Variants in PARP8 observed in about 807,000 individuals in gnomAD.
The protein encoded by PARP8 is poly(ADP-ribose) polymerase family member 8.
A neutral mutation model predicts 124.1 loss-of-function variants in PARP8; 51 were observed. That is an observed-to-expected ratio of 0.41 (90% CI 0.33 to 0.52). The LOEUF (loss-of-function observed/expected upper bound fraction) is 0.52, where lower values mean the gene tolerates loss of function less well. PARP8 is among the 20% of genes least tolerant of loss of function. The pLI, the probability that PARP8 is intolerant of heterozygous loss-of-function variation, is 0.21. For synonymous variants in PARP8, 391 were observed against 361.5 expected, an observed-to-expected ratio of 1.08 and a Z score of -0.93; for missense variants, 860 against 1,018.9, an observed-to-expected ratio of 0.84 and a Z score of 2.12.
chr5:50,768,601 A>G (rs1314506215), intron 7 of PARP8, among the ~76,000 whole-genome samples: 3 of 152,202 alleles, frequency 2.0e-5, no homozygotes, highest in Non-Finnish European at 2.9e-5. Context: ...AAATATAGGC[A>G]GCACATGAAA....
At chr5:50,815,347 A>G in intron 14 of PARP8, 85 bp from the exon 15 acceptor site, 1 of 932,824 alleles carries the variant, frequency 1.1e-6, no homozygotes, top group Non-Finnish European at 1.6e-6. Context: ...TGCATTTTCT[A>G]TTTATTATGT....
At chr5:50,678,441 A>T (rs144618724) in intron 2 of PARP8, among the ~76,000 whole-genome samples, 47 of 152,296 alleles carry the variant, frequency 3.1e-4, no homozygotes, top group African/African-American at 1.1e-3. Flanking sequence ...CCAAGATAAC[A>T]TTCTAAAATG....
At chr5:50,821,136 C>A in intron 15 of PARP8, 77 bp from the exon 16 acceptor site, 7 of 1,539,228 alleles carry the variant, frequency 4.5e-6, no homozygotes, top group Non-Finnish European at 6.3e-6. Context: ...ACTTATGCTA[C>A]CTTGAGAGGG....
intron 2 of PARP8, among the ~76,000 whole-genome samples, chr5:50,746,418 C>A (rs1394325944): frequency 6.6e-6 from 1 of 152,108 alleles, no homozygotes; most frequent in African/African-American, 2.4e-5. Context: ...AAACTTTGCA[C>A]TAATGTCAGT....
Position 50,690,063 on chromosome 5 carries a change from C to T in PARP8, c.146+21938C>T, listed in dbSNP as rs77725175. Among the ~76,000 whole-genome samples, 1,139 of 152,282 alleles carry T rather than the reference C, an allele frequency of 7.5e-3. 15 individuals are homozygous for T. The highest frequency in any genetic ancestry group is 0.026 in the African/African-American group (1,069 of 41,546). On this transcript the variant is annotated intron_variant, in intron 2 of 25. Coordinates refer to ENST00000281631, the MANE Select transcript of PARP8 (RefSeq NM_024615.4). ...AGGGGACAAGGGAGACTTTTCTCTC[C>T]TCTGCAACATAGGAAACAAACCAGT...
intron 2 of PARP8, among the ~76,000 whole-genome samples, chr5:50,672,047 T>C (rs1402016285): frequency 1.3e-5 from 2 of 152,178 alleles, no homozygotes; most frequent in African/African-American, 4.8e-5. Flanking sequence ...CCTTCCTCTT[T>C]CTCCTGAGCC....
intron 2 of PARP8, among the ~76,000 whole-genome samples, chr5:50,736,003 A>C (rs925580643): frequency 1.1e-4 from 14 of 132,924 alleles, no homozygotes; most frequent in Non-Finnish European, 1.4e-4. Context: ...TGAAGGATGG[A>C]ATTTATGTTT....
intron 2 of PARP8, among the ~76,000 whole-genome samples, chr5:50,731,176 G>A (rs532164021): frequency 6.6e-6 from 1 of 152,330 alleles, no homozygotes; most frequent in South Asian, 2.1e-4. Flanking sequence ...TAAGGGATGT[G>A]CAACTGGGTG....
intron 7 of PARP8, among the ~76,000 whole-genome samples, chr5:50,775,275 T>C (rs1037778255): frequency 5.3e-5 from 8 of 152,232 alleles, no homozygotes; most frequent in Admixed American, 6.5e-5. Context: ...ACATTGAGCA[T>C]TGAGTGAGTG....
intron 2 of PARP8, among the ~76,000 whole-genome samples, chr5:50,711,765 A>C (rs1221237448): frequency 6.6e-6 from 1 of 152,088 alleles, no homozygotes; most frequent in African/African-American, 2.4e-5. Context: ...GTTTAAAGTC[A>C]ATTCAGTATA....
chr5:50,714,792 A>G (rs1755131940), intron 2 of PARP8, among the ~76,000 whole-genome samples: 1 of 152,088 alleles, frequency 6.6e-6, no homozygotes, highest in Non-Finnish European at 1.5e-5. Flanking sequence ...TCCCTCCTGC[A>G]GCTGACTGTG....
Position 50,798,381 on chromosome 5 carries a change from T to C in PARP8, c.1575+1148T>C, listed in dbSNP as rs551119945. ...CTCTATTTATTATTATTTTTAATAA[T>C]TATAGCCATGCTAGTATGTGTGAAG... On this transcript the variant is annotated intron_variant, in intron 14 of 25. Transcript: ENST00000281631. Among the ~76,000 whole-genome samples, 172 of 151,894 alleles carry C rather than the reference T, an allele frequency of 1.1e-3. 1 individual carries two copies. Among genetic ancestry groups the C allele is most frequent in the African/African-American group, 4.0e-3 (167 of 41,494 alleles).
At chr5:50,807,550 T>G (rs146781761) in intron 14 of PARP8, among the ~76,000 whole-genome samples, 1 of 152,066 alleles carries the variant, frequency 6.6e-6, no homozygotes, top group Non-Finnish European at 1.5e-5. Context: ...CTTCAGGTTG[T>G]TTTTGAAAAA....
chr5:50,747,050 G>C (rs1455036154), intron 2 of PARP8, among the ~76,000 whole-genome samples: 1 of 150,694 alleles, frequency 6.6e-6, no homozygotes, highest in African/African-American at 2.4e-5. Context: ...TTTTTAAATG[G>C]AAAAAATTTG....
chr5:50,780,619 A>G (rs1184743984), intron 9 of PARP8, among the ~76,000 whole-genome samples: 1 of 152,198 alleles, frequency 6.6e-6, no homozygotes, highest in Non-Finnish European at 1.5e-5. Flanking sequence ...AATGTTCAGT[A>G]CAACTCCTTT....
rs1400069582 is a variant in PARP8 at position 50,811,087 on chromosome 5, A to G, written c.1576-4345A>G. On this transcript the variant is annotated intron_variant, in intron 14 of 25. Coordinates refer to ENST00000281631, the MANE Select transcript of PARP8 (RefSeq NM_024615.4). ...TCAAACTATTGGAGTAGCAGAATAT[A>G]CCTAGAAATCTGCCTTATTCACTTG... Among the ~76,000 whole-genome samples, 4 of 152,188 alleles carry G rather than the reference A, an allele frequency of 2.6e-5. No homozygotes were observed. The East Asian group carries it at 5.8e-4, about 22-fold the overall frequency.
chr5:50,752,302 A>AATGAATT, intron 3 of PARP8, among the ~76,000 whole-genome samples: 1 of 152,058 alleles, frequency 6.6e-6, no homozygotes, highest in East Asian at 1.9e-4. Flanking sequence ...TAAGTTGCTG[A>AATGAATT]ATGAATTAAA....
intron 2 of PARP8, among the ~76,000 whole-genome samples, chr5:50,746,083 C>T (rs1758512323): frequency 6.6e-6 from 1 of 152,174 alleles, no homozygotes; most frequent in Non-Finnish European, 1.5e-5. Context: ...ATGATAGCTT[C>T]TTAATCTGAT....
At chr5:50,804,400 G>A (rs1423793931) in intron 14 of PARP8, among the ~76,000 whole-genome samples, 2 of 152,108 alleles carry the variant, frequency 1.3e-5, no homozygotes, top group African/African-American at 4.8e-5. Flanking sequence ...CACTGAGCTG[G>A]CGAATGGAAG....
Sources: allele counts gnomAD v4.1 joint callset (sites outside exome capture counted in the v4.1 genomes callset), GRCh38; gene constraint gnomAD v4.1.1; transcripts MANE v1.5; gene names NCBI Gene and HGNC (gene_info 2026-07-23, HGNC 2026-07-21).